IPO11: variants seen among roughly 807,000 people sequenced by gnomAD.
IPO11 encodes importin-11.
IPO11 carries 66 observed loss-of-function variants against 143.2 expected under a neutral mutation model. The ratio of observed to expected loss-of-function variants is 0.46; its 90% CI spans 0.38 to 0.57. IPO11 has a LOEUF of 0.57. Among genes scored for constraint, IPO11 ranks in the 20% least tolerant of loss-of-function variants. The probability of loss-of-function intolerance (pLI) is 0.00; values close to 1 mark genes in which losing one functional copy is unlikely to be tolerated. For synonymous variants in IPO11, 385 were observed against 377.8 expected (o/e 1.02, Z -0.22); for missense variants, 1,026 against 1,141.0 (o/e 0.90, Z 1.45).
rs1741750385 is a variant in IPO11 at position 62,511,619 on chromosome 5, T to C, written c.1783-3769T>C. On this transcript the variant is annotated intron_variant, in intron 19 of 29. Coordinates refer to ENST00000325324, the MANE Select transcript of IPO11 (RefSeq NM_016338.5). ...AATTCTGTAGTTGTTTGGCTACCCTTTTAGAGTATTTTACTAGCAGAATGA... is the reference window on the plus strand; with the variant it reads ...AATTCTGTAGTTGTTTGGCTACCCTCTTAGAGTATTTTACTAGCAGAATGA... 2.6e-5 allele frequency among the ~76,000 whole-genome samples: 4 copies of C among 152,234 alleles called. No homozygotes were observed. The South Asian group carries it at 8.3e-4, about 32-fold the overall frequency.
At chr5:62,449,148 A>G (rs1287664814) in intron 3 of IPO11, among the ~76,000 whole-genome samples, 5 of 152,098 alleles carry the variant, frequency 3.3e-5, no homozygotes, top group South Asian at 2.1e-4. Flanking sequence ...ATCCTTCTGC[A>G]TTGGCCTCCC....
intron 1 of IPO11, among the ~76,000 whole-genome samples, chr5:62,433,624 C>T (rs1194542511): frequency 6.6e-6 from 1 of 152,170 alleles, no homozygotes; most frequent in Non-Finnish European, 1.5e-5. Flanking sequence ...AATGTATGAA[C>T]TGAGCTCTTC....
intron 27 of IPO11, among the ~76,000 whole-genome samples, chr5:62,562,999 A>G (rs745463141): frequency 6.6e-6 from 1 of 152,206 alleles, no homozygotes; most frequent in South Asian, 2.1e-4. Context: ...AGCATTTGAC[A>G]TGGCATAAGC....
At chr5:62,462,094 TCTTA>T (rs1485206297) in intron 5 of IPO11, among the ~76,000 whole-genome samples, 9 of 152,158 alleles carry the variant, frequency 5.9e-5, no homozygotes, top group South Asian at 4.1e-4. Flanking sequence ...TATCTATAAA[TCTTA>T]CTTATTTTTG....
intron 20 of IPO11, among the ~76,000 whole-genome samples, chr5:62,516,420 A>G (rs1742024166): frequency 1.3e-5 from 2 of 152,176 alleles, no homozygotes; most frequent in East Asian, 1.9e-4. Flanking sequence ...CAGCCTCCCA[A>G]GTAGCTGGGA....
intron 27 of IPO11, among the ~76,000 whole-genome samples, chr5:62,563,897 T>G (rs958274465): frequency 1.3e-5 from 2 of 152,162 alleles, no homozygotes; most frequent in Admixed American, 1.3e-4. Context: ...TTACATAAAT[T>G]GAGGGATAGG....
intron 15 of IPO11, among the ~76,000 whole-genome samples, chr5:62,493,401 TTGGTTTTTATGAAACATACC>T (rs1741016935): frequency 6.6e-6 from 1 of 152,150 alleles, no homozygotes; most frequent in Non-Finnish European, 1.5e-5. Context: ...CCAAATGGAT[TTGGTTTTTATGAAACATACC>T]TACATTGCGG....
intron 5 of IPO11, 125 bp downstream of exon 5, chr5:62,452,058 A>G (rs1219334549): frequency 2.7e-5 from 19 of 698,640 alleles, no homozygotes; most frequent in Admixed American, 2.4e-5. Context: ...GGCCTGGCCA[A>G]TATGGTGAAA....
chr5:62,516,143 A>G (rs6875068), intron 20 of IPO11, among the ~76,000 whole-genome samples: 2,501 of 152,280 alleles, frequency 0.016, 65 homozygotes, highest in African/African-American at 0.058. Flanking sequence ...AGTTTGAGAA[A>G]TTTTCCAGTG....
chr5:62,453,497 A>G (rs2112165309), intron 5 of IPO11, among the ~76,000 whole-genome samples: 1 of 152,056 alleles, frequency 6.6e-6, no homozygotes, highest in East Asian at 1.9e-4. Context: ...TAGTCTTTTT[A>G]TGTTGCCTTT....
intron 22 of IPO11, among the ~76,000 whole-genome samples, chr5:62,535,636 A>G (rs979283261): frequency 1.3e-5 from 2 of 152,118 alleles, no homozygotes; most frequent in African/African-American, 4.8e-5. Context: ...GTCAAATCCT[A>G]AAGTTTAGGA....
In IPO11 at chr5:62,530,755, C is replaced by T. The variant is rs746893024; in HGVS notation, c.2059C>T (p.Arg687Cys). ...NSPCITPELL[R>C]IFQNMSPLLE... is the part of the protein sequence containing the mutation. Reference sequence around the variant, plus strand: ...TCCATGTATTACACCAGAGTTGCTTCGTATATTTCAGAATATGTCACCACT... The same window carrying T: ...TCCATGTATTACACCAGAGTTGCTTTGTATATTTCAGAATATGTCACCACT... The change falls in exon 22 of 30, where the codon CGT becomes TGT. Residue 687 changes from arginine (R) to cysteine (C), a missense_variant. Coordinates refer to ENST00000325324, the MANE Select transcript of IPO11 (RefSeq NM_016338.5). The T allele has an allele frequency of 8.7e-6, 14 of 1,612,644 alleles. No individual in the cohort carries two copies. Among genetic ancestry groups the T allele is most frequent in the Admixed American group, 5.0e-5 (3 of 59,944 alleles).
At chr5:62,615,095 A>G (rs1047915896) in intron 29 of IPO11, among the ~76,000 whole-genome samples, 3 of 152,022 alleles carry the variant, frequency 2.0e-5, no homozygotes, top group Admixed American at 6.6e-5. Context: ...ATTGCGGTCT[A>G]TATAGGTACA....
chr5:62,562,392 A>G (rs1743801834), intron 27 of IPO11, among the ~76,000 whole-genome samples: 1 of 152,166 alleles, frequency 6.6e-6, no homozygotes, highest in South Asian at 2.1e-4. Flanking sequence ...TTTTTCCATG[A>G]ACTGGGGGAG....
At chr5:62,424,300 C>T (rs868525709) in intron 1 of IPO11, among the ~76,000 whole-genome samples, 12 of 151,816 alleles carry the variant, frequency 7.9e-5, no homozygotes, top group South Asian at 2.1e-4. Flanking sequence ...CCACCACGCC[C>T]GGCTAATTTT....
chr5:62,596,801 G>T (rs1057060751), intron 28 of IPO11, among the ~76,000 whole-genome samples: 1 of 152,042 alleles, frequency 6.6e-6, no homozygotes, highest in Admixed American at 6.6e-5. Flanking sequence ...TAAAAGCTGA[G>T]TTTCTTACAG....
chr5:62,431,934 C>CACGTACAT (rs1744001529), intron 1 of IPO11, among the ~76,000 whole-genome samples: 1 of 148,576 alleles, frequency 6.7e-6, no homozygotes, highest in African/African-American at 2.5e-5. Context: ...GAGCAAGACT[C>CACGTACAT]ACATACATAC....
intron 27 of IPO11, among the ~76,000 whole-genome samples, chr5:62,572,933 C>T (rs1744188708): frequency 6.6e-6 from 1 of 152,114 alleles, no homozygotes; most frequent in African/African-American, 2.4e-5. Flanking sequence ...GCACATTGTT[C>T]ATTTTTTGTT....
intron 27 of IPO11, among the ~76,000 whole-genome samples, chr5:62,562,435 C>T (rs765367366): frequency 6.6e-6 from 1 of 152,160 alleles, no homozygotes; most frequent in African/African-American, 2.4e-5. Flanking sequence ...GAAGCTATTC[C>T]ACCTCAAATC....
Sources: allele counts gnomAD v4.1 joint callset (sites outside exome capture counted in the v4.1 genomes callset), GRCh38; gene constraint gnomAD v4.1.1; transcripts MANE v1.5; gene names NCBI Gene and HGNC (gene_info 2026-07-23, HGNC 2026-07-21).